Variants in SLC14A2 observed in about 807,000 individuals in gnomAD.
SLC14A2 encodes solute carrier family 14 member 2, also known as urea transporter 2.
SLC14A2 carries 91 observed loss-of-function variants against 104.6 expected under a neutral mutation model. That is an observed-to-expected ratio of 0.87 (90% CI 0.73 to 1.04). The LOEUF (loss-of-function observed/expected upper bound fraction) is 1.04. SLC14A2 is among the 50% of genes least tolerant of loss of function. The pLI is 0.00. For missense variants in SLC14A2, 1,189 were observed against 1,156.0 expected (o/e 1.03, Z -0.41); for synonymous variants, 476 against 466.4 (o/e 1.02, Z -0.27).
At chr18:45,341,347 A>G (rs1316583804) in intron 1 of SLC14A2, among the ~76,000 whole-genome samples, 1 of 152,182 alleles carries the variant, frequency 6.6e-6, no homozygotes, top group Non-Finnish European at 1.5e-5. Context: ...CCTGCTCACT[A>G]AAATGTATTG....
chr18:45,192,667 G>GTTTTGTTTTGTT, the SLC14A2 span, among the ~76,000 whole-genome samples: 1 of 149,790 alleles, frequency 6.7e-6, no homozygotes, highest in Admixed American at 6.6e-5. Flanking sequence ...GTTTTGTTTT[G>GTTTTGTTTTGTT]TTTTTTTGAG....
chr18:45,457,784 G>A (rs2086970563), intron 1 of SLC14A2, among the ~76,000 whole-genome samples: 1 of 151,916 alleles, frequency 6.6e-6, no homozygotes, highest in Non-Finnish European at 1.5e-5. Flanking sequence ...CTTACTACCT[G>A]TGTGTCCTTG....
intron 2 of SLC14A2, among the ~76,000 whole-genome samples, chr18:45,566,512 C>T (rs1007532288): frequency 1.2e-4 from 6 of 48,722 alleles, no homozygotes; most frequent in Non-Finnish European, 2.7e-4. Context: ...TGCGCTCACG[C>T]TCGCACACAC....
At chr18:45,196,843 A>T in the SLC14A2 span, among the ~76,000 whole-genome samples, 1 of 152,256 alleles carries the variant, frequency 6.6e-6, no homozygotes, top group Non-Finnish European at 1.5e-5. Context: ...CTTGGCGAAT[A>T]GAACTAATAT....
chr18:45,607,806 G>A (rs1185987500), intron 2 of SLC14A2, among the ~76,000 whole-genome samples: 2 of 152,202 alleles, frequency 1.3e-5, no homozygotes, highest in African/African-American at 4.8e-5. Context: ...ACTGGGGCTG[G>A]AAGATCCACT....
At chr18:45,243,323 CAAT>C (rs1243389091) in intron 1 of SLC14A2, among the ~76,000 whole-genome samples, 1 of 152,162 alleles carries the variant, frequency 6.6e-6, no homozygotes, top group Non-Finnish European at 1.5e-5. Context: ...TTAATCCTAA[CAAT>C]AGTCTTCTCA....
chr18:45,659,263 C>T (rs2045894134), intron 10 of SLC14A2, among the ~76,000 whole-genome samples: 1 of 152,190 alleles, frequency 6.6e-6, no homozygotes, highest in Admixed American at 6.5e-5. Flanking sequence ...GTTTACTGCA[C>T]CATGCTGTAC....
chr18:45,598,267 A>G (rs994821376), intron 2 of SLC14A2, among the ~76,000 whole-genome samples: 3 of 152,116 alleles, frequency 2.0e-5, no homozygotes, highest in African/African-American at 7.2e-5. Flanking sequence ...GAGAAGCTCC[A>G]GTTCCCTGTT....
chr18:45,415,218 T>C (rs1054627120), intron 1 of SLC14A2, among the ~76,000 whole-genome samples: 1 of 152,174 alleles, frequency 6.6e-6, no homozygotes, highest in African/African-American at 2.4e-5. Flanking sequence ...TACTCTTTAC[T>C]GCAGACTAGT....
At chr18:45,433,678 T>A (rs1423923660) in intron 1 of SLC14A2, among the ~76,000 whole-genome samples, 1 of 152,206 alleles carries the variant, frequency 6.6e-6, no homozygotes, top group Non-Finnish European at 1.5e-5. Context: ...GCTTCCTGAT[T>A]ATTTGGGGCT....
intron 1 of SLC14A2, among the ~76,000 whole-genome samples, chr18:45,303,588 G>A (rs2084988934): frequency 1.3e-5 from 2 of 152,152 alleles, no homozygotes; most frequent in Non-Finnish European, 2.9e-5. Context: ...CTTGACATGT[G>A]TCCAAGATGT....
At chr18:45,609,466 A>G (rs1196607559) in intron 2 of SLC14A2, among the ~76,000 whole-genome samples, 1 of 152,064 alleles carries the variant, frequency 6.6e-6, no homozygotes. Context: ...TTATTATTCA[A>G]CTACTTATGG....
At chr18:45,191,100 C>A in the SLC14A2 span, among the ~76,000 whole-genome samples, 3 of 152,112 alleles carry the variant, frequency 2.0e-5, no homozygotes, top group African/African-American at 7.2e-5. Flanking sequence ...CATGCCCTCC[C>A]AGCTTTCCTC....
chr18:45,200,648 G>T, the SLC14A2 span, among the ~76,000 whole-genome samples: 1 of 152,080 alleles, frequency 6.6e-6, no homozygotes, highest in Admixed American at 6.6e-5. Flanking sequence ...AACTCACAGA[G>T]ACTAAGGAAC....
the SLC14A2 span, among the ~76,000 whole-genome samples, chr18:45,197,935 C>T: frequency 3.0e-4 from 45 of 152,150 alleles, no homozygotes; most frequent in East Asian, 2.3e-3. Flanking sequence ...ATCTAAAGCT[C>T]GTAGGAACTT....
At chr18:45,273,156 C>T (rs1425234282) in intron 1 of SLC14A2, among the ~76,000 whole-genome samples, 1 of 152,114 alleles carries the variant, frequency 6.6e-6, no homozygotes, top group Non-Finnish European at 1.5e-5. Flanking sequence ...TATTACTCGA[C>T]TCTCGCTTTG....
intron 18 of SLC14A2, among the ~76,000 whole-genome samples, chr18:45,675,695 A>ATATATCTATAGATATATATATATATATC (rs1451355022): frequency 8.5e-5 from 5 of 58,736 alleles, no homozygotes; most frequent in African/African-American, 3.2e-4. Flanking sequence ...CTATATATAT[A>ATATATCTATAGATATATATATATATATC]TATATATATA....
At chr18:45,461,709 C>G (rs2087048518) in intron 1 of SLC14A2, among the ~76,000 whole-genome samples, 1 of 152,180 alleles carries the variant, frequency 6.6e-6, no homozygotes, top group Admixed American at 6.5e-5. Context: ...TGAAATTCTG[C>G]CCAAACTTAC....
At chr18:45,593,121 T>C (rs2044673228) in intron 2 of SLC14A2, among the ~76,000 whole-genome samples, 1 of 152,020 alleles carries the variant, frequency 6.6e-6, no homozygotes, top group Non-Finnish European at 1.5e-5. Context: ...ATCGAGACCA[T>C]CCTGGCTAAC....
Sources: gnomAD v4.1 joint callset for allele counts (sites outside exome capture counted in the v4.1 genomes callset) on GRCh38, gnomAD v4.1.1 for gene constraint, MANE v1.5 for transcripts, NCBI Gene and HGNC (gene_info 2026-07-23, HGNC 2026-07-21) for gene names.